Variants in SLC35A3 observed in about 807,000 individuals in gnomAD.
SLC35A3 encodes solute carrier family 35 member A3, also known as UDP-N-acetylglucosamine transporter.
In SLC35A3, 26 loss-of-function variants were observed where a neutral mutation model predicts 39.0. That is an observed-to-expected ratio of 0.67 (90% CI 0.49 to 0.92). The LOEUF (loss-of-function observed/expected upper bound fraction) is 0.92, where lower values mean the gene tolerates loss of function less well. Among genes scored for constraint, SLC35A3 ranks in the 40% least tolerant of loss-of-function variants. The pLI, the probability that SLC35A3 is intolerant of heterozygous loss-of-function variation, is 0.00. For missense variants in SLC35A3, 299 were observed against 371.6 expected (o/e 0.80, Z 1.61); for synonymous variants, 135 against 133.1 (o/e 1.01, Z -0.10).
chr1:100,010,775 C>T (rs1372840019), intron 4 of SLC35A3, among the ~76,000 whole-genome samples: 1 of 152,154 alleles, frequency 6.6e-6, no homozygotes, highest in Non-Finnish European at 1.5e-5. Context: ...TACAGGATAT[C>T]AGTTGATTAG....
chr1:100,020,663 A>G (rs1268376990), intron 7 of SLC35A3, among the ~76,000 whole-genome samples: 6 of 152,204 alleles, frequency 3.9e-5, no homozygotes, highest in Non-Finnish European at 5.9e-5. Context: ...AATGAAGAGC[A>G]TATGGTTGAG....
At chr1:99,970,503 G>C in intron 1 of SLC35A3, 1 of 1,492,578 alleles carries the variant, frequency 6.7e-7, no homozygotes, top group South Asian at 1.2e-5. Flanking sequence ...GGGTGGGCCC[G>C]GCTGGGGCCC....
At chr1:100,022,099 T>C (rs1557848916) in intron 7 of SLC35A3, among the ~76,000 whole-genome samples, 2 of 152,212 alleles carry the variant, frequency 1.3e-5, no homozygotes, top group South Asian at 2.1e-4. Flanking sequence ...CCTCTTGAAG[T>C]TGTGGGACTT....
intron 1 of SLC35A3, among the ~76,000 whole-genome samples, chr1:99,971,451 C>G (rs1193140480): frequency 6.6e-6 from 1 of 151,846 alleles, no homozygotes; most frequent in Admixed American, 6.6e-5. Flanking sequence ...GGACTACAGG[C>G]GCCCGCCGCC....
intron 1 of SLC35A3, among the ~76,000 whole-genome samples, chr1:99,981,318 A>G (rs1570569863): frequency 6.6e-6 from 1 of 152,296 alleles, no homozygotes; most frequent in East Asian, 1.9e-4. Flanking sequence ...TGATATTGTT[A>G]CTAAGGGAGT....
rs184616421 is a variant in SLC35A3, at chr1:99,989,726, A to G, written c.-18-3811A>G. ...TCCCATAATGTAGTTTGCCTTTCAT[A>G]TTATTTTACAGTATCTTTGGAAGAG... On this transcript the variant is annotated intron_variant, in intron 1 of 7. Coordinates refer to ENST00000533028, the MANE Select transcript of SLC35A3 (RefSeq NM_012243.3). 3.7e-3 allele frequency among the ~76,000 whole-genome samples: 569 copies of G among 152,208 alleles called. 3 individuals are homozygous for G. The highest frequency in any genetic ancestry group is 0.013 in the African/African-American group (525 of 41,522).
At chr1:100,022,323 G>T in intron 7 of SLC35A3, 63 bp from the exon 8 acceptor site, 1 of 838,960 alleles carries the variant, frequency 1.2e-6, no homozygotes, top group South Asian at 1.7e-5. Context: ...TAAAGAAATA[G>T]AAGGAACTTG....
chr1:100,014,674 G>A lies in SLC35A3; in HGVS notation c.635-628G>A, dbSNP rs118006237. Among the ~76,000 whole-genome samples the A allele has an allele frequency of 4.5e-3, 680 of 152,296 alleles. 2 individuals carry two copies. Among genetic ancestry groups the A allele is most frequent in the Middle Eastern group, 0.024 (7 of 294 alleles). ...AAATGTGAGCAATTTGCACATATTC[G>A]AATGGGCTAGCCATGTAATTATCTA... On this transcript the variant is annotated intron_variant, in intron 5 of 7. Coordinates refer to ENST00000533028, the MANE Select transcript of SLC35A3 (RefSeq NM_012243.3).
chr1:100,018,138 G>A (rs1166205618), intron 7 of SLC35A3, among the ~76,000 whole-genome samples: 3 of 151,996 alleles, frequency 2.0e-5, no homozygotes, highest in African/African-American at 4.8e-5. Context: ...TTTAAAATAC[G>A]GAATTTACAT....
intron 7 of SLC35A3, among the ~76,000 whole-genome samples, chr1:100,018,634 ATCC>A (rs1660327717): frequency 6.6e-6 from 1 of 152,092 alleles, no homozygotes; most frequent in South Asian, 2.1e-4. Context: ...GGCTCAAGCA[ATCC>A]TCCTGCCTCA....
At chr1:99,992,373 A>G (rs1235132763) in intron 1 of SLC35A3, among the ~76,000 whole-genome samples, 3 of 152,248 alleles carry the variant, frequency 2.0e-5, no homozygotes, top group African/African-American at 7.2e-5. Flanking sequence ...TGATATTACT[A>G]AAGTTTCTTT....
chr1:99,985,185 G>C (rs1166126895), intron 1 of SLC35A3, among the ~76,000 whole-genome samples: 1 of 152,142 alleles, frequency 6.6e-6, no homozygotes, highest in Non-Finnish European at 1.5e-5. Context: ...TTATCTTCTA[G>C]AATTTTTATG....
In SLC35A3 at chr1:100,023,106, T is replaced by A. The variant is rs1407296602; in HGVS notation, c.*630T>A. ...CTAAATTTAATGTAGAGATACATAC[T>A]ATTTCTCCATATGAATTTTAAGATA... On this transcript the variant is annotated 3_prime_UTR_variant, in exon 8 of 8. Coordinates refer to ENST00000533028, the MANE Select transcript of SLC35A3 (RefSeq NM_012243.3). The A allele has an allele frequency of 6.6e-6, 1 of 152,210 alleles. No individual in the cohort carries two copies. The highest frequency in any genetic ancestry group is 1.5e-5 in the Non-Finnish European group (1 of 68,030). The allele number at this position is 152,210 out of a possible 1,614,324, so 9.4% of individuals were successfully genotyped here.
intron 1 of SLC35A3, among the ~76,000 whole-genome samples, chr1:99,989,693 A>G (rs1045856929): frequency 1.1e-4 from 16 of 152,284 alleles, no homozygotes; most frequent in Middle Eastern, 3.4e-3. Context: ...TGTATTGAGA[A>G]TATTTTCTCC....
In SLC35A3 at chr1:99,977,364, C is replaced by CAAAA. The variant is rs61423393; in HGVS notation, c.-19+7219_-19+7222dup. Among the ~76,000 whole-genome samples the CAAAA allele has an allele frequency of 1.5e-3, 147 of 98,442 alleles. 3 individuals carry two copies. The highest frequency in any genetic ancestry group is 5.0e-3 in the African/African-American group (139 of 27,982). The allele number at this position is 98,442 out of a possible 152,430, so 64.6% of individuals were successfully genotyped here. ...GAAACTCCGTCTCTATTAAAAATACCAAAAAAAAAAAAAAAAAAAATTAGC... is the reference window on the plus strand; with the variant it reads ...GAAACTCCGTCTCTATTAAAAATACCAAAAAAAAAAAAAAAAAAAAAAAATTAGC... On this transcript the variant is annotated intron_variant, in intron 1 of 7. Coordinates refer to ENST00000533028, the MANE Select transcript of SLC35A3 (RefSeq NM_012243.3).
intron 1 of SLC35A3, among the ~76,000 whole-genome samples, chr1:99,977,467 G>C (rs1037626294): frequency 7.3e-5 from 11 of 151,550 alleles, no homozygotes; most frequent in African/African-American, 2.7e-4. Context: ...ACTTGAACTC[G>C]GGAGGTAGAG....
chr1:99,998,324 A>G (rs74407799), intron 2 of SLC35A3, among the ~76,000 whole-genome samples: 2 of 151,408 alleles, frequency 1.3e-5, no homozygotes, highest in Non-Finnish European at 2.9e-5. Flanking sequence ...CCAGCTAGTT[A>G]AAAAAAAATT....
chr1:99,981,326 A>C (rs1657436331), intron 1 of SLC35A3, among the ~76,000 whole-genome samples: 1 of 152,064 alleles, frequency 6.6e-6, no homozygotes, highest in Non-Finnish European at 1.5e-5. Flanking sequence ...TTACTAAGGG[A>C]GTATAGTGTT....
At position 100,027,101 on chromosome 1, in the gene SLC35A3, C is replaced by A. The variant is rs982781217; in HGVS notation, c.*4625C>A. ...ATCTTTTTCTCTGGCTCTGTAGTAT[C>A]TCTATCACTGTCACATGTGATCTTT... On this transcript the variant is annotated 3_prime_UTR_variant, in exon 8 of 8. Transcript: ENST00000533028. 3 of 398,288 alleles carry A rather than the reference C, an allele frequency of 7.5e-6. No individual in the cohort carries two copies. Among genetic ancestry groups the A allele is most frequent in the African/African-American group, 4.1e-5 (2 of 48,594 alleles). The allele number at this position is 398,288 out of a possible 1,614,324, so 24.7% of individuals were successfully genotyped here. A position where few individuals can be genotyped will look rare whatever the true frequency, so the allele number is the denominator to read the frequency against.
Sources: allele counts gnomAD v4.1 joint callset (sites outside exome capture counted in the v4.1 genomes callset), GRCh38; gene constraint gnomAD v4.1.1; transcripts MANE v1.5; gene names NCBI Gene and HGNC (gene_info 2026-07-23, HGNC 2026-07-21).